Variants in GLRA1 observed in about 807,000 individuals in gnomAD.
GLRA1 encodes glycine receptor alpha 1.
A neutral mutation model predicts 48.3 loss-of-function variants in GLRA1; 37 were observed. The observed-to-expected ratio is 0.77, with a 90% CI of 0.59 to 1.01. The LOEUF (loss-of-function observed/expected upper bound fraction) is 1.01, where lower values mean the gene tolerates loss of function less well. Among genes scored for constraint, GLRA1 ranks in the 50% least tolerant of loss-of-function variants. GLRA1 has a pLI of 0.00. For synonymous variants in GLRA1, 196 were observed against 210.7 expected (o/e 0.93, Z 0.60); for missense variants, 427 against 571.0 (o/e 0.75, Z 2.57).
chr5:151,888,654 C>T (rs1396577649), intron 2 of GLRA1, among the ~76,000 whole-genome samples: 5 of 152,178 alleles, frequency 3.3e-5, no homozygotes, highest in South Asian at 4.1e-4. Context: ...TTTGGCCCAA[C>T]CCCACACTAA....
intron 8 of GLRA1, among the ~76,000 whole-genome samples, chr5:151,827,434 G>A (rs899811239): frequency 1.3e-5 from 2 of 152,194 alleles, no homozygotes; most frequent in Admixed American, 1.3e-4. Flanking sequence ...TGATGGAAAT[G>A]TGTGTATATG....
At chr5:151,869,741 A>AAAC (rs1273800272) in intron 3 of GLRA1, among the ~76,000 whole-genome samples, 4 of 149,504 alleles carry the variant, frequency 2.7e-5, no homozygotes, top group Non-Finnish European at 5.9e-5. Flanking sequence ...AACAAAAACA[A>AAAC]AACAACAACA....
At chr5:151,884,845 T>C (rs544456552) in intron 3 of GLRA1, among the ~76,000 whole-genome samples, 1 of 152,176 alleles carries the variant, frequency 6.6e-6, no homozygotes, top group South Asian at 2.1e-4. Context: ...CAGATTATGA[T>C]TAATACAAAT....
At position 151,856,402 on chromosome 5, in the gene GLRA1, T is replaced by G. The variant is rs760903159; in HGVS notation, c.477-19A>C. ...GGTGATTCTGGGAAGAGAAGGGATT[T>G]TGAATGATGCAGGATCTGCACATCA... On this transcript the variant is annotated intron_variant, in intron 4 of 8. Transcript: ENST00000274576. 1 of 1,526,536 alleles carries G rather than the reference T, an allele frequency of 6.6e-7. No individual in the cohort carries two copies. The highest frequency in any genetic ancestry group is 1.1e-5 in the South Asian group (1 of 89,258). The allele number at this position is 1,526,536 out of a possible 1,614,324, so 94.6% of individuals were successfully genotyped here.
intron 8 of GLRA1, among the ~76,000 whole-genome samples, chr5:151,823,309 C>T (rs1423847947): frequency 6.6e-6 from 1 of 152,110 alleles, no homozygotes; most frequent in Non-Finnish European, 1.5e-5. Context: ...TTTTCTTCTA[C>T]CTGGGGGATA....
At chr5:151,893,355 T>C (rs868259825) in intron 1 of GLRA1, among the ~76,000 whole-genome samples, 4 of 143,814 alleles carry the variant, frequency 2.8e-5, no homozygotes, top group Admixed American at 7.0e-5. Flanking sequence ...TTTCTTTCTT[T>C]CTTTCATTTT....
intron 7 of GLRA1, chr5:151,848,830 T>C (rs1380803261): frequency 7.8e-6 from 4 of 512,820 alleles, no homozygotes; most frequent in African/African-American, 1.9e-5. Flanking sequence ...CTCACCTCAC[T>C]CTCATGGCCT....
intron 3 of GLRA1, among the ~76,000 whole-genome samples, chr5:151,865,951 G>A (rs1391082361): frequency 1.3e-5 from 2 of 152,192 alleles, no homozygotes. Flanking sequence ...TAGGCCGAAA[G>A]CTAAAGGCTG....
At chr5:151,883,752 G>A (rs1753825301) in intron 3 of GLRA1, among the ~76,000 whole-genome samples, 1 of 152,200 alleles carries the variant, frequency 6.6e-6, no homozygotes, top group African/African-American at 2.4e-5. Context: ...GATGCTACTG[G>A]CATCCCTATT....
intron 3 of GLRA1, among the ~76,000 whole-genome samples, chr5:151,860,222 T>C (rs78421100): frequency 1.3e-3 from 194 of 152,262 alleles, no homozygotes; most frequent in East Asian, 4.3e-3. Context: ...CCCCATGAGG[T>C]ATATTCAACC....
At chr5:151,860,912 T>G (rs1338946772) in intron 3 of GLRA1, among the ~76,000 whole-genome samples, 1 of 152,222 alleles carries the variant, frequency 6.6e-6, no homozygotes, top group Non-Finnish European at 1.5e-5. Context: ...GTGTGTGATG[T>G]TCCCCTTTCT....
intron 3 of GLRA1, among the ~76,000 whole-genome samples, chr5:151,861,380 C>A (rs1440358550): frequency 1.3e-5 from 2 of 152,208 alleles, no homozygotes; most frequent in East Asian, 3.8e-4. Context: ...ACATCCTCTC[C>A]AGCACCTGTT....
intron 7 of GLRA1, among the ~76,000 whole-genome samples, chr5:151,833,390 G>C (rs1288682144): frequency 6.6e-6 from 1 of 152,170 alleles, no homozygotes; most frequent in African/African-American, 2.4e-5. Flanking sequence ...TCAGTGTGCT[G>C]TATTCAGAAG....
At chr5:151,891,458 G>A (rs546837613) in intron 2 of GLRA1, among the ~76,000 whole-genome samples, 1 of 152,280 alleles carries the variant, frequency 6.6e-6, no homozygotes, top group East Asian at 1.9e-4. Flanking sequence ...GAATTAGGAA[G>A]TCTCACATAG....
In GLRA1 at chr5:151,856,360, GGGCAGGCCAGT is replaced by G; in HGVS notation, c.489_499del (p.Leu164HisfsTer26). The G allele has an allele frequency of 6.2e-7, 1 of 1,611,700 alleles. No homozygotes were observed. Among genetic ancestry groups the G allele is most frequent in the Non-Finnish European group, 8.5e-7 (1 of 1,178,128 alleles). ...CATGGGGAAATTCTTCAAGTCCATG[GGGCAGGCCAGT>G]GTCAGGGTGATTCTGGGAAGAGAAG... On this transcript the variant is annotated frameshift_variant, in exon 5 of 9. Coordinates refer to ENST00000274576, the MANE Select transcript of GLRA1 (RefSeq NM_000171.4). LOFTEE classifies it high-confidence loss of function.
intron 1 of GLRA1, among the ~76,000 whole-genome samples, chr5:151,897,673 T>G (rs909421804): frequency 2.0e-5 from 3 of 152,198 alleles, no homozygotes; most frequent in African/African-American, 7.2e-5. Flanking sequence ...CTGGCATTGC[T>G]TTGAAGATTC....
In GLRA1 at chr5:151,841,987, T is replaced by G. The variant is rs146044449; in HGVS notation, c.912+9403A>C. ...CAGGAGAATTGCTTGAACCCAGGAG[T>G]TGGAGGTTGCCGTGAGCCGAGATCG... On this transcript the variant is annotated intron_variant, in intron 7 of 8. Coordinates refer to ENST00000274576, the MANE Select transcript of GLRA1 (RefSeq NM_000171.4). Among the ~76,000 whole-genome samples the G allele has an allele frequency of 8.6e-3, 1,297 of 150,326 alleles. 15 individuals carry two copies. Among genetic ancestry groups the G allele is most frequent in the African/African-American group, 0.03 (1,244 of 40,868 alleles).
intron 8 of GLRA1, among the ~76,000 whole-genome samples, chr5:151,823,574 CCAGGGA>C (rs1457276087): frequency 6.6e-6 from 1 of 152,188 alleles, no homozygotes; most frequent in African/African-American, 2.4e-5. Context: ...GTTCTACAAG[CCAGGGA>C]AGCCACAGCT....
chr5:151,863,980 A>G (rs1045654589), intron 3 of GLRA1, among the ~76,000 whole-genome samples: 1 of 152,196 alleles, frequency 6.6e-6, no homozygotes, highest in African/African-American at 2.4e-5. Context: ...CTCACATCTT[A>G]TAAGTCCCAT....
Sources: gnomAD v4.1 joint callset for allele counts (sites outside exome capture counted in the v4.1 genomes callset) on GRCh38, gnomAD v4.1.1 for gene constraint, MANE v1.5 for transcripts, NCBI Gene and HGNC (gene_info 2026-07-23, HGNC 2026-07-21) for gene names.